C4orf33: variants seen among roughly 807,000 people sequenced by gnomAD.
C4orf33 encodes the protein UPF0462 protein C4orf33.
A neutral mutation model predicts 24.3 loss-of-function variants in C4orf33; 20 were observed. That is an observed-to-expected ratio of 0.82 (90% CI 0.58 to 1.19). The LOEUF (loss-of-function observed/expected upper bound fraction) is 1.19, where lower values mean the gene tolerates loss of function less well. C4orf33 is among the 50% of genes most tolerant of loss of function. The probability of loss-of-function intolerance (pLI) is 0.00; values close to 1 mark genes in which losing one functional copy is unlikely to be tolerated. For missense variants in C4orf33, 207 were observed against 225.9 expected (o/e 0.92, Z 0.54); for synonymous variants, 67 against 76.4 (o/e 0.88, Z 0.64).
intron 2 of C4orf33, among the ~76,000 whole-genome samples, chr4:129,104,376 A>T (rs1377978180): frequency 6.6e-6 from 1 of 152,192 alleles, no homozygotes; most frequent in Non-Finnish European, 1.5e-5. Flanking sequence ...TAGAAGCTGG[A>T]CTGCTATATC....
At position 129,114,087 on chromosome 4, in the gene C4orf33, A is replaced by G. The variant is rs1438047767; in HGVS notation, c.*2296A>G. 1 of 152,240 alleles carries G rather than the reference A, an allele frequency of 6.6e-6. No homozygotes were observed. The allele number at this position is 152,240 out of a possible 1,614,324, so 9.4% of individuals were successfully genotyped here. A position where few individuals can be genotyped will look rare whatever the true frequency, so the allele number is the denominator to read the frequency against. ...AGCCTAACTTTTTACTCCAGCCATCAGTTGCATACAGTGAACTGACTGGCC... is the reference window on the plus strand; with the variant it reads ...AGCCTAACTTTTTACTCCAGCCATCGGTTGCATACAGTGAACTGACTGGCC... On this transcript the variant is annotated 3_prime_UTR_variant, in exon 6 of 6. Coordinates refer to ENST00000425929, the MANE Select transcript of C4orf33 (RefSeq NM_001099783.2).
rs1212173911 is a variant in C4orf33 at position 129,102,698 on chromosome 4, G to GTGAT, written c.89_92dup (p.Met31IlefsTer6). The GTGAT allele has an allele frequency of 1.2e-6, 2 of 1,614,166 alleles. No homozygotes were observed. The highest frequency in any genetic ancestry group is 2.2e-5 in the South Asian group (2 of 91,084). On this transcript the variant is annotated frameshift_variant, in exon 2 of 6. Coordinates refer to ENST00000425929, the MANE Select transcript of C4orf33 (RefSeq NM_001099783.2). LOFTEE classifies it high-confidence loss of function. ...CAGGCTGAATCCAGGTGACAGAGGA[G>GTGAT]TGATGATGGACATTAGTGCTCCATT...
At chr4:129,095,829 C>G (rs1184934558), upstream of C4orf33, among the ~76,000 whole-genome samples, 1 of 152,068 alleles carries the variant, frequency 6.6e-6, no homozygotes, top group Non-Finnish European at 1.5e-5. Context: ...TAGTTTATAG[C>G]TGGTATAATA....
At chr4:129,109,741 C>A in intron 5 of C4orf33, 69 bp downstream of exon 5, 3 of 1,264,890 alleles carry the variant, frequency 2.4e-6, no homozygotes, top group Non-Finnish European at 2.2e-6. Context: ...CTTAGTGGAG[C>A]AGAAGTAACA....
In C4orf33 at chr4:129,113,089, A is replaced by G. The variant is rs1328455006; in HGVS notation, c.*1298A>G. On this transcript the variant is annotated 3_prime_UTR_variant, in exon 6 of 6. Transcript: ENST00000425929. ...TCTTGATTTTAGAAGCGAATCGAAC[A>G]CTGTGAATCACAGTTTCAGATATAA... is the stretch of plus-strand genomic sequence containing the variant. The G allele has an allele frequency of 6.6e-6, 1 of 152,110 alleles. No individual in the cohort carries two copies. The highest frequency in any genetic ancestry group is 1.5e-5 in the Non-Finnish European group (1 of 67,966). The allele number at this position is 152,110 out of a possible 1,614,324, so 9.4% of individuals were successfully genotyped here.
rs988574499 is a variant in C4orf33, at chr4:129,115,504, C to T, written c.*3713C>T. The T allele has an allele frequency of 6.6e-6, 1 of 152,066 alleles. No homozygotes were observed. Among genetic ancestry groups the T allele is most frequent in the South Asian group, 2.1e-4 (1 of 4,828 alleles). 9.4% of individuals were successfully genotyped at this position (152,066 alleles called of 1,614,324 possible). On this transcript the variant is annotated 3_prime_UTR_variant, in exon 6 of 6. Transcript: ENST00000425929. ...CAGGATTCAGTGGATAAATACTCCCCTTTTCCGTCCCTTGGGCAGACAATT... is the reference window on the plus strand; with the variant it reads ...CAGGATTCAGTGGATAAATACTCCCTTTTTCCGTCCCTTGGGCAGACAATT...
chr4:129,111,604 CAA>C, intron 5 of C4orf33, 80 bp from the exon 6 acceptor site: 1 of 753,986 alleles, frequency 1.3e-6, no homozygotes, highest in Non-Finnish European at 2.3e-6. Flanking sequence ...ACAGTTGTGA[CAA>C]AATAAATAGC....
At chr4:129,105,008 T>C (rs771445884) in intron 2 of C4orf33, among the ~76,000 whole-genome samples, 7 of 151,858 alleles carry the variant, frequency 4.6e-5, no homozygotes, top group Non-Finnish European at 8.8e-5. Flanking sequence ...CATGTATGTA[T>C]AGTGAGAGAG....
At position 129,111,751 on chromosome 4, in the gene C4orf33, C is replaced by A. The variant is rs370206168; in HGVS notation, c.560C>A (p.Pro187Gln). The A allele has an allele frequency of 6.8e-6, 11 of 1,611,956 alleles. No homozygotes were observed. The highest frequency in any genetic ancestry group is 2.2e-5 in the East Asian group (1 of 44,808). Reference sequence around the variant, plus strand: ...CTGCTTGGAGAAGAGTGGAAACAACCGGAATCAGACCTGTGGCTAATAGAG... The same window carrying A: ...CTGCTTGGAGAAGAGTGGAAACAACAGGAATCAGACCTGTGGCTAATAGAG... ...NTLLGEEWKQ[P>Q]ESDLWLIEKC... is the part of the protein sequence containing the mutation. The change falls in exon 6 of 6, where the codon CCG (proline) becomes CAG (glutamine). Residue 187 changes from proline to glutamine, a missense_variant. Physicochemically the swap from Pro to Gln is moderately conservative, Grantham distance 76. Coordinates refer to ENST00000425929, the MANE Select transcript of C4orf33 (RefSeq NM_001099783.2).
At chr4:129,106,744 G>C in intron 3 of C4orf33, 97 bp downstream of exon 3, 2 of 621,858 alleles carry the variant, frequency 3.2e-6, no homozygotes, top group South Asian at 4.5e-5. Flanking sequence ...TAATTCCAGA[G>C]TAAGAATGGT....
In C4orf33 at chr4:129,114,834, T is replaced by A. The variant is rs1307193715; in HGVS notation, c.*3043T>A. 2.6e-5 allele frequency: 4 copies of A among 152,192 alleles called. No individual in the cohort carries two copies. Among genetic ancestry groups the A allele is most frequent in the Non-Finnish European group, 5.9e-5 (4 of 68,038 alleles). The allele number at this position is 152,192 out of a possible 1,614,324, so 9.4% of individuals were successfully genotyped here. Reference sequence around the variant, plus strand: ...TACCATGCAGAGCTAGAGTTATAACTATTAATGGAAGCAGTATAGAGTATG... The same window carrying A: ...TACCATGCAGAGCTAGAGTTATAACAATTAATGGAAGCAGTATAGAGTATG... On this transcript the variant is annotated 3_prime_UTR_variant, in exon 6 of 6. Transcript: ENST00000425929.
In C4orf33 at chr4:129,101,215, G is replaced by C. The variant is rs1005618861; in HGVS notation, c.-9-1387G>C. ...TACGTTTTAGAGAAAGGTTTTTAGAGGTCTTGGATTTCTTATGTTACACAG... is the reference window on the plus strand; with the variant it reads ...TACGTTTTAGAGAAAGGTTTTTAGACGTCTTGGATTTCTTATGTTACACAG... On this transcript the variant is annotated intron_variant, in intron 1 of 5. Transcript: ENST00000425929. 1.1e-4 allele frequency among the ~76,000 whole-genome samples: 16 copies of C among 152,136 alleles called. No individual in the cohort carries two copies. The East Asian group carries it at 1.9e-3, about 18-fold the overall frequency.
rs114250643 is a variant in C4orf33, at chr4:129,109,628, C to T, written c.450C>T (p.Tyr150=). 0.029 allele frequency: 46,830 copies of T among 1,613,720 alleles called. 927 individuals are homozygous for T. The highest frequency in any genetic ancestry group is 0.06 in the Middle Eastern group (365 of 6,060). The change falls in exon 5 of 6, where the codon TAC becomes TAT. Residue 150 remains tyrosine, a synonymous_variant. Transcript: ENST00000425929. ...SKDKRSYEAL[Y]PVPQHELQQG... ...ATAAACGAAGTTATGAAGCTCTTTA[C>T]CCTGTACCTCAGCATGAACTGCAGC...
chr4:129,115,829 T>TAA lies in C4orf33; in HGVS notation c.*4041_*4042dup, dbSNP rs869132605. 9 of 47,676 alleles carry TAA rather than the reference T, an allele frequency of 1.9e-4. No homozygotes were observed. In the East Asian group the frequency reaches 5.2e-3, roughly 27 times the overall value. 3.0% of individuals were successfully genotyped at this position (47,676 alleles called of 1,614,324 possible). ...ATATATATATATATATATATATATA[T>TAA]AAAATATATATGTTTATATATAACA... is the stretch of plus-strand genomic sequence containing the variant. On this transcript the variant is annotated 3_prime_UTR_variant, in exon 6 of 6. Transcript: ENST00000425929.
chr4:129,108,886 T>C (rs1753596402), intron 3 of C4orf33, among the ~76,000 whole-genome samples: 1 of 152,150 alleles, frequency 6.6e-6, no homozygotes, highest in African/African-American at 2.4e-5. Flanking sequence ...CCAATATTAA[T>C]ATTGCATCTT....
Position 129,113,639 on chromosome 4 carries a change from TA to T in C4orf33, c.*1849del, listed in dbSNP as rs1370042305. 1 of 152,210 alleles carries T rather than the reference TA, an allele frequency of 6.6e-6. No individual in the cohort carries two copies. Among genetic ancestry groups the T allele is most frequent in the African/African-American group, 2.4e-5 (1 of 41,460 alleles). The allele number at this position is 152,210 out of a possible 1,614,324, so 9.4% of individuals were successfully genotyped here. A position where few individuals can be genotyped will look rare whatever the true frequency, so the allele number is the denominator to read the frequency against. ...ACCTAAATAGATTACACAATGTGCA[TA>T]TTTATTCAGGTGCATTCTCATGCTT... On this transcript the variant is annotated 3_prime_UTR_variant, in exon 6 of 6. Transcript: ENST00000425929.
At chr4:129,109,196 T>C in intron 3 of C4orf33, 111 bp from the exon 4 acceptor site, 1 of 1,160,620 alleles carries the variant, frequency 8.6e-7, no homozygotes, top group South Asian at 1.3e-5. Flanking sequence ...CCTGCATCTT[T>C]TAATTATTTG....
intron 3 of C4orf33, among the ~76,000 whole-genome samples, chr4:129,109,014 G>C (rs1753601557): frequency 6.6e-6 from 1 of 152,048 alleles, no homozygotes; most frequent in Admixed American, 6.5e-5. Context: ...AGCCTCCCAA[G>C]TTGCTGGGAC....
chr4:129,116,277 A>C lies in C4orf33; in HGVS notation c.*4486A>C, dbSNP rs566426832. ...TAAAGGAGAAATAGGAAATGCTGTC[A>C]AATGACATTTCACTTTACTACTTAT... On this transcript the variant is annotated 3_prime_UTR_variant, in exon 6 of 6. Coordinates refer to ENST00000425929, the MANE Select transcript of C4orf33 (RefSeq NM_001099783.2). The C allele has an allele frequency of 2.0e-5, 3 of 152,356 alleles. No homozygotes were observed. The South Asian group carries it at 6.2e-4, about 32-fold the overall frequency. 9.4% of individuals were successfully genotyped at this position (152,356 alleles called of 1,614,324 possible). A position where few individuals can be genotyped will look rare whatever the true frequency, so the allele number is the denominator to read the frequency against.
Sources: allele counts gnomAD v4.1 joint callset (sites outside exome capture counted in the v4.1 genomes callset), GRCh38; gene constraint gnomAD v4.1.1; transcripts MANE v1.5; gene names NCBI Gene and HGNC (gene_info 2026-07-23, HGNC 2026-07-21).